ANKRD17: variants seen among roughly 807,000 people sequenced by gnomAD.
ANKRD17 encodes ankyrin repeat domain 17, also known as ankyrin repeat domain-containing protein 17.
ANKRD17 carries 19 observed loss-of-function variants against 229.7 expected under a neutral mutation model. The ratio of observed to expected loss-of-function variants is 0.08; its 90% confidence interval spans 0.06 to 0.12. The LOEUF is 0.12. Among genes scored for constraint, ANKRD17 ranks in the 10% least tolerant of loss-of-function variants. The pLI, the probability that ANKRD17 is intolerant of heterozygous loss-of-function variation, is 1.00. For missense variants in ANKRD17, 2,176 were observed against 3,176.8 expected (o/e 0.68, Z 7.57); for synonymous variants, 1,112 against 1,146.1 (o/e 0.97, Z 0.60).
chr4:73,091,834 A>G lies in ANKRD17; in HGVS notation c.5794T>C (p.Leu1932=), dbSNP rs746204864. 40 of 1,614,076 alleles carry G rather than the reference A, an allele frequency of 2.5e-5. No homozygotes were observed. The highest frequency in any genetic ancestry group is 8.5e-7 in the Non-Finnish European group (1 of 1,180,038). ...STWGPFPVRP[L]SPARATNSPK... The stretch of plus-strand genomic sequence containing the variant: ...GAGTTAGTAGCTCTGGCAGGGCTCA[A>G]AGGCCTGACAGGAAACGGACCCCAA... Residue 1932 remains leucine, a synonymous_variant, in exon 29 of 34, where the codon TTG becomes CTG. Transcript: ENST00000358602.
intron 25 of ANKRD17, among the ~76,000 whole-genome samples, chr4:73,099,807 C>A (rs754116617): frequency 6.6e-6 from 1 of 152,332 alleles, no homozygotes. Flanking sequence ...CCTCTTACTT[C>A]CTCTTCACTG....
intron 1 of ANKRD17, among the ~76,000 whole-genome samples, chr4:73,194,602 T>C (rs1410052163): frequency 1.3e-5 from 2 of 152,194 alleles, no homozygotes; most frequent in Non-Finnish European, 2.9e-5. Context: ...TGGGATTGCA[T>C]TGATACTCTT....
At chr4:73,196,045 A>T (rs1390483893) in intron 1 of ANKRD17, among the ~76,000 whole-genome samples, 13 of 124,882 alleles carry the variant, frequency 1.0e-4, no homozygotes, top group Admixed American at 1.0e-3. Context: ...CTCACTCTGT[A>T]GCCCAGGCTA....
At chr4:73,256,080 A>G (rs1228097879) in intron 1 of ANKRD17, among the ~76,000 whole-genome samples, 1 of 152,162 alleles carries the variant, frequency 6.6e-6, no homozygotes. Context: ...TAAATGACAA[A>G]CCCATTGTTT....
chr4:73,101,682 G>C (rs1158771320), intron 25 of ANKRD17, among the ~76,000 whole-genome samples: 1 of 61,294 alleles, frequency 1.6e-5, no homozygotes, highest in Non-Finnish European at 3.7e-5. Context: ...AAAAAAAAAA[G>C]GATTTATAGG....
At position 73,191,364 on chromosome 4, in the gene ANKRD17, T is replaced by TGTGC. The variant is rs1325396975; in HGVS notation, c.394-13832_394-13831insGCAC. Among the ~76,000 whole-genome samples, 131 of 150,856 alleles carry TGTGC rather than the reference T, an allele frequency of 8.7e-4. 1 individual carries two copies. The highest frequency in any genetic ancestry group is 1.6e-3 in the Non-Finnish European group (110 of 67,476). On this transcript the variant is annotated intron_variant, in intron 1 of 33. Coordinates refer to ENST00000358602, the MANE Select transcript of ANKRD17 (RefSeq NM_032217.5). ...ATATGTGTGTGTGTGTGTGTGTGTGTGTGTGTGTGTGTGTGTGTGTGTATC... is the reference window on the plus strand; with the variant it reads ...ATATGTGTGTGTGTGTGTGTGTGTGTGTGCGTGTGTGTGTGTGTGTGTGTGTATC...
At chr4:73,224,515 T>C (rs1234164570) in intron 1 of ANKRD17, among the ~76,000 whole-genome samples, 1 of 152,176 alleles carries the variant, frequency 6.6e-6, no homozygotes, top group Non-Finnish European at 1.5e-5. Context: ...TACTACACGG[T>C]TTCTGGTATT....
intron 1 of ANKRD17, among the ~76,000 whole-genome samples, chr4:73,191,305 A>G (rs1737033366): frequency 6.7e-6 from 1 of 149,030 alleles, no homozygotes. Context: ...AACAGCTATG[A>G]AGCTGGAAAA....
intron 1 of ANKRD17, among the ~76,000 whole-genome samples, chr4:73,202,885 G>A (rs944680512): frequency 6.6e-6 from 1 of 152,152 alleles, no homozygotes; most frequent in African/African-American, 2.4e-5. Flanking sequence ...ATAACTTTAA[G>A]ACAGTCCTTT....
intron 16 of ANKRD17, among the ~76,000 whole-genome samples, chr4:73,131,739 T>C (rs1728228454): frequency 6.6e-6 from 1 of 152,224 alleles, no homozygotes; most frequent in Admixed American, 6.5e-5. Flanking sequence ...TTATGTCTTA[T>C]ATTCCTCAAA....
intron 21 of ANKRD17, among the ~76,000 whole-genome samples, chr4:73,119,218 G>A (rs997675971): frequency 6.6e-6 from 1 of 152,062 alleles, no homozygotes; most frequent in African/African-American, 2.4e-5. Context: ...AAATGACACA[G>A]TAACAAAAAT....
chr4:73,209,369 T>C (rs1739946708), intron 1 of ANKRD17, among the ~76,000 whole-genome samples: 1 of 152,172 alleles, frequency 6.6e-6, no homozygotes. Flanking sequence ...TATAGGACTA[T>C]TACGAACAAC....
chr4:73,146,727 T>C, intron 10 of ANKRD17, 37 bp downstream of exon 10: 1 of 1,388,730 alleles, frequency 7.2e-7, no homozygotes. Context: ...AATTTCTTAT[T>C]GTTAAATATT....
At chr4:73,129,059 G>A (rs1727838743) in intron 16 of ANKRD17, among the ~76,000 whole-genome samples, 1 of 152,142 alleles carries the variant, frequency 6.6e-6, no homozygotes, top group East Asian at 1.9e-4. Context: ...TAGTCAAGAA[G>A]TTATATTCCT....
At position 73,184,796 on chromosome 4, in the gene ANKRD17, T is replaced by C. The variant is rs1736075713; in HGVS notation, c.394-7263A>G. On this transcript the variant is annotated intron_variant, in intron 1 of 33. Transcript: ENST00000358602. ...TACTAAACAGATACTAATACAGTGA[T>C]TGTGCAGAGAAATGAGAAAACAATT... Among the ~76,000 whole-genome samples, 3 of 152,136 alleles carry C rather than the reference T, an allele frequency of 2.0e-5. No individual in the cohort carries two copies. The South Asian group carries it at 6.2e-4, about 31-fold the overall frequency.
Position 73,143,675 on chromosome 4 carries a change from T to C in ANKRD17, c.1958-908A>G, listed in dbSNP as rs1729884569. 1.3e-5 allele frequency among the ~76,000 whole-genome samples: 2 copies of C among 152,238 alleles called. 1 individual carries two copies. Among genetic ancestry groups the C allele is most frequent in the South Asian group, 4.1e-4 (2 of 4,830 alleles). ...CTATAAACAATTATAAACTTGAGAT[T>C]TCGTTACTATTATTATAATGTGAAG... On this transcript the variant is annotated intron_variant, in intron 11 of 33. Transcript: ENST00000358602.
rs113155863 is a variant in ANKRD17, at chr4:73,167,923, T to C, written c.548-6575A>G. Among the ~76,000 whole-genome samples, 381 of 152,106 alleles carry C rather than the reference T, an allele frequency of 2.5e-3. 2 individuals are homozygous for C. The highest frequency in any genetic ancestry group is 0.016 in the South Asian group (76 of 4,818). ...ATCCCAGCACTTTGGGAGGCTGAGG[T>C]GGGTGGATCACGAGGTCAGGAGATC... On this transcript the variant is annotated intron_variant, in intron 2 of 33. Coordinates refer to ENST00000358602, the MANE Select transcript of ANKRD17 (RefSeq NM_032217.5).
At chr4:73,164,960 A>T (rs1733041033) in intron 2 of ANKRD17, among the ~76,000 whole-genome samples, 1 of 151,112 alleles carries the variant, frequency 6.6e-6, no homozygotes, top group Non-Finnish European at 1.5e-5. Flanking sequence ...TATTAAACTT[A>T]TTAAATATTA....
At chr4:73,196,210 C>A (rs1475941792) in intron 1 of ANKRD17, among the ~76,000 whole-genome samples, 1 of 151,748 alleles carries the variant, frequency 6.6e-6, no homozygotes, top group African/African-American at 2.4e-5. Flanking sequence ...GATGGTTAGG[C>A]TGGTCTCAAA....
Sources: allele counts gnomAD v4.1 joint callset (sites outside exome capture counted in the v4.1 genomes callset), GRCh38; gene constraint gnomAD v4.1.1; transcripts MANE v1.5; gene names NCBI Gene and HGNC (gene_info 2026-07-23, HGNC 2026-07-21).